DCLK2: variants seen among roughly 807,000 people sequenced by gnomAD.
DCLK2 encodes the protein serine/threonine-protein kinase DCLK2.
In DCLK2, 31 loss-of-function variants were observed where a neutral mutation model predicts 78.4. That is an observed-to-expected ratio of 0.40 (90% CI 0.30 to 0.53). DCLK2 has a LOEUF of 0.53. Among genes scored for constraint, DCLK2 ranks in the 20% least tolerant of loss-of-function variants. DCLK2 has a pLI of 0.61. For missense variants in DCLK2, 872 were observed against 973.7 expected, an observed-to-expected ratio of 0.90 and a Z score of 1.39; for synonymous variants, 407 against 374.9, an observed-to-expected ratio of 1.09 and a Z score of -0.99.
chr4:150,169,318 A>G lies in DCLK2; in HGVS notation c.757-23820A>G, dbSNP rs549655323. Among the ~76,000 whole-genome samples the G allele has an allele frequency of 4.6e-5, 7 of 152,366 alleles. No homozygotes were observed. In the East Asian group the frequency reaches 1.3e-3, roughly 29 times the overall value. On this transcript the variant is annotated intron_variant, in intron 2 of 15. Coordinates refer to ENST00000296550, the MANE Select transcript of DCLK2 (RefSeq NM_001040260.4). Reference sequence around the variant, plus strand: ...AAACTTTAGACAAATTAAACAATTTATTTGAGCATAGAATGATTCGTACAT... The same window carrying G: ...AAACTTTAGACAAATTAAACAATTTGTTTGAGCATAGAATGATTCGTACAT...
rs1256866164 is a variant in DCLK2 at position 150,195,287 on chromosome 4, T to A, written c.859+2047T>A. 4.2e-3 allele frequency among the ~76,000 whole-genome samples: 14 copies of A among 3,366 alleles called. 6 individuals carry two copies. Among genetic ancestry groups the A allele is most frequent in the Non-Finnish European group, 0.012 (12 of 1,002 alleles). The allele number at this position is 3,366 out of a possible 152,430, so 2.2% of individuals were successfully genotyped here. A position where few individuals can be genotyped will look rare whatever the true frequency, so the allele number is the denominator to read the frequency against. ...ATATATTATATATTATATTATATAT[T>A]ATATTATATATTATATATTATATTA... On this transcript the variant is annotated intron_variant, in intron 3 of 15. Transcript: ENST00000296550.
intron 12 of DCLK2, among the ~76,000 whole-genome samples, chr4:150,244,401 A>G (rs546134088): frequency 1.8e-4 from 28 of 152,362 alleles, no homozygotes; most frequent in Non-Finnish European, 1.9e-4. Flanking sequence ...TTTCTCTTAA[A>G]ACACACACAA....
intron 2 of DCLK2, among the ~76,000 whole-genome samples, chr4:150,121,775 T>G (rs550431363): frequency 6.6e-6 from 1 of 152,296 alleles, no homozygotes; most frequent in Admixed American, 6.5e-5. Flanking sequence ...TACATCAGAC[T>G]TGAAAGTTGA....
At chr4:150,146,333 A>G (rs549828392) in intron 2 of DCLK2, among the ~76,000 whole-genome samples, 69 of 152,362 alleles carry the variant, frequency 4.5e-4, no homozygotes, top group African/African-American at 1.6e-3. Flanking sequence ...TTGAATTCAG[A>G]GTCTACAATT....
chr4:150,104,764 T>A (rs1419690447), intron 2 of DCLK2, among the ~76,000 whole-genome samples: 3 of 134,354 alleles, frequency 2.2e-5, no homozygotes, highest in Non-Finnish European at 3.4e-5. Context: ...GGTGATTTTT[T>A]AAAATTACAC....
At chr4:150,249,733 G>A in intron 15 of DCLK2, 49 bp downstream of exon 15, 1 of 1,495,756 alleles carries the variant, frequency 6.7e-7, no homozygotes, top group South Asian at 1.1e-5. Context: ...CGGCCTTGAA[G>A]TTTTTGAATT....
At chr4:150,127,515 T>C (rs1024985761) in intron 2 of DCLK2, among the ~76,000 whole-genome samples, 3 of 152,204 alleles carry the variant, frequency 2.0e-5, no homozygotes, top group African/African-American at 7.2e-5. Flanking sequence ...GGGAGCTTCT[T>C]CAAGTTGGAG....
intron 2 of DCLK2, among the ~76,000 whole-genome samples, chr4:150,139,053 A>G (rs185457079): frequency 2.0e-4 from 30 of 152,074 alleles, no homozygotes; most frequent in African/African-American, 6.0e-4. Flanking sequence ...ATTTTTTTCA[A>G]TGGAGATGAG....
chr4:150,204,589 A>C (rs767355033), intron 5 of DCLK2, among the ~76,000 whole-genome samples: 2 of 152,244 alleles, frequency 1.3e-5, no homozygotes, highest in Admixed American at 1.3e-4. Flanking sequence ...GTAAATAATT[A>C]GAGCTAAAGA....
chr4:150,232,887 C>T, intron 10 of DCLK2, 59 bp downstream of exon 10: 1 of 1,571,864 alleles, frequency 6.4e-7, no homozygotes. Flanking sequence ...AAAAGGAGCA[C>T]ATGCAAATAA....
chr4:150,219,593 G>A (rs1033749069), intron 5 of DCLK2, among the ~76,000 whole-genome samples: 34 of 152,104 alleles, frequency 2.2e-4, no homozygotes, highest in African/African-American at 8.0e-4. Context: ...AAGGTTCTGT[G>A]CTAGATGATT....
At chr4:150,221,308 CCTTT>C (rs894781360) in intron 6 of DCLK2, among the ~76,000 whole-genome samples, 6 of 151,064 alleles carry the variant, frequency 4.0e-5, no homozygotes, top group East Asian at 3.9e-4. Context: ...ATCCTCTTCT[CCTTT>C]CTTTGTTTTT....
intron 2 of DCLK2, among the ~76,000 whole-genome samples, chr4:150,184,761 C>T (rs1737792285): frequency 6.6e-6 from 1 of 151,986 alleles, no homozygotes; most frequent in Admixed American, 6.6e-5. Flanking sequence ...GCCACCATGC[C>T]CGGCTAATTT....
At chr4:150,232,601 T>G in intron 9 of DCLK2, 81 bp from the exon 10 acceptor site, 1 of 1,540,066 alleles carries the variant, frequency 6.5e-7, no homozygotes, top group Non-Finnish European at 8.9e-7. Flanking sequence ...CATTCTCTGC[T>G]TTATGCCAAT....
intron 15 of DCLK2, 103 bp from the exon 16 acceptor site, chr4:150,255,917 T>A: frequency 6.8e-7 from 1 of 1,478,144 alleles, no homozygotes; most frequent in Non-Finnish European, 9.0e-7. Context: ...TCTCCTCTTC[T>A]GTTTCTGAGG....
intron 4 of DCLK2, among the ~76,000 whole-genome samples, chr4:150,200,227 T>G (rs1369111863): frequency 2.0e-5 from 3 of 152,198 alleles, no homozygotes; most frequent in African/African-American, 7.2e-5. Flanking sequence ...AGAAACTGAT[T>G]AAGGAAAATC....
At chr4:150,227,195 C>A (rs755219520) in intron 8 of DCLK2, among the ~76,000 whole-genome samples, 1 of 152,186 alleles carries the variant, frequency 6.6e-6, no homozygotes, top group South Asian at 2.1e-4. Context: ...TGTTCCCTCT[C>A]TAAGTTCAAT....
At chr4:150,218,346 G>A (rs567127631) in intron 5 of DCLK2, among the ~76,000 whole-genome samples, 1 of 152,256 alleles carries the variant, frequency 6.6e-6, no homozygotes, top group Admixed American at 6.5e-5. Flanking sequence ...GTTCACAGGA[G>A]CTCAACTGAT....
intron 2 of DCLK2, among the ~76,000 whole-genome samples, chr4:150,152,576 C>T (rs748619501): frequency 9.5e-4 from 145 of 152,284 alleles, no homozygotes; most frequent in Admixed American, 1.5e-3. Context: ...GCCACTGTGC[C>T]GGGCCTGATT....
Sources: gnomAD v4.1 joint callset for allele counts (sites outside exome capture counted in the v4.1 genomes callset) on GRCh38, gnomAD v4.1.1 for gene constraint, MANE v1.5 for transcripts, NCBI Gene and HGNC (gene_info 2026-07-23, HGNC 2026-07-21) for gene names.